The following KCNMA1 variants were observed in gnomAD, a reference collection of about 807,000 sequenced individuals.
KCNMA1 encodes the protein potassium calcium-activated channel subfamily M alpha 1, also known as Calcium-activated potassium channel subunit alpha-1.
In KCNMA1, 29 loss-of-function variants were observed where a neutral mutation model predicts 140.0. The ratio of observed to expected loss-of-function variants is 0.21; its 90% CI spans 0.15 to 0.28. The LOEUF is 0.28. Among genes scored for constraint, KCNMA1 ranks in the 10% least tolerant of loss-of-function variants. The pLI is 1.00. For missense variants in KCNMA1, 880 were observed against 1,602.2 expected (o/e 0.55, Z 7.70); for synonymous variants, 612 against 611.9 (o/e 1.00, Z 0.00).
At chr10:77,211,224 CAA>C (rs2045953917) in intron 3 of KCNMA1, among the ~76,000 whole-genome samples, 1 of 151,954 alleles carries the variant, frequency 6.6e-6, no homozygotes, top group Non-Finnish European at 1.5e-5. Flanking sequence ...CTACAGTAAC[CAA>C]AACAGCATGG....
chr10:77,238,398 C>A (rs535798033), intron 3 of KCNMA1, among the ~76,000 whole-genome samples: 1 of 152,296 alleles, frequency 6.6e-6, no homozygotes, highest in South Asian at 2.1e-4. Context: ...TTGTCCTCTA[C>A]AAACAAGTGC....
chr10:77,445,602 A>G (rs2097513420), intron 1 of KCNMA1, among the ~76,000 whole-genome samples: 1 of 152,102 alleles, frequency 6.6e-6, no homozygotes, highest in Non-Finnish European at 1.5e-5. Context: ...TAATAAGACC[A>G]AGCATTGGGA....
At chr10:77,116,951 T>C (rs1451816689) in intron 6 of KCNMA1, among the ~76,000 whole-genome samples, 1 of 152,198 alleles carries the variant, frequency 6.6e-6, no homozygotes, top group Non-Finnish European at 1.5e-5. Flanking sequence ...ACCTGCATGA[T>C]TTGGCCTCTC....
chr10:77,473,520 ATC>A (rs1330313881), intron 1 of KCNMA1, among the ~76,000 whole-genome samples: 11 of 152,148 alleles, frequency 7.2e-5, no homozygotes, highest in Admixed American at 6.5e-4. Flanking sequence ...TTAGAGAGAA[ATC>A]TCTCTCTTGC....
intron 5 of KCNMA1, among the ~76,000 whole-genome samples, chr10:77,149,648 C>T (rs182381278): frequency 2.2e-4 from 34 of 152,262 alleles, no homozygotes; most frequent in Non-Finnish European, 3.7e-4. Flanking sequence ...CTGGTCAAAC[C>T]CATGCATAGT....
intron 1 of KCNMA1, among the ~76,000 whole-genome samples, chr10:77,458,165 A>G (rs2097790762): frequency 6.6e-6 from 1 of 152,254 alleles, no homozygotes; most frequent in African/African-American, 2.4e-5. Context: ...ATCAGCCACA[A>G]GCAGGCATCC....
chr10:77,517,171 C>T (rs931641209), intron 1 of KCNMA1, among the ~76,000 whole-genome samples: 2 of 152,124 alleles, frequency 1.3e-5, no homozygotes, highest in Non-Finnish European at 2.9e-5. Flanking sequence ...CTACCCTTGG[C>T]ACTCCAGGAA....
intron 2 of KCNMA1, among the ~76,000 whole-genome samples, chr10:77,345,400 A>G (rs1449518647): frequency 1.3e-5 from 2 of 152,118 alleles, no homozygotes; most frequent in African/African-American, 4.8e-5. Flanking sequence ...GAAATCATGG[A>G]CTGAGTACCT....
intron 3 of KCNMA1, among the ~76,000 whole-genome samples, chr10:77,242,483 G>A (rs1344023097): frequency 1.3e-5 from 2 of 152,104 alleles, no homozygotes; most frequent in African/African-American, 2.4e-5. Flanking sequence ...GCCAAAACAT[G>A]TTATAGCATC....
intron 1 of KCNMA1, among the ~76,000 whole-genome samples, chr10:77,431,909 C>T (rs1159565957): frequency 1.3e-5 from 2 of 152,008 alleles, no homozygotes; most frequent in Non-Finnish European, 2.9e-5. Flanking sequence ...ACGGGAATCA[C>T]TTGGACCCGG....
intron 3 of KCNMA1, among the ~76,000 whole-genome samples, chr10:77,228,019 C>G (rs888445371): frequency 6.9e-6 from 1 of 144,408 alleles, no homozygotes; most frequent in Non-Finnish European, 1.5e-5. Flanking sequence ...GACTGGAGTG[C>G]AGTGGCGCAA....
chr10:77,621,685 T>C (rs1486796738), intron 1 of KCNMA1, among the ~76,000 whole-genome samples: 3 of 151,970 alleles, frequency 2.0e-5, no homozygotes, highest in East Asian at 3.8e-4. Flanking sequence ...TTCCAGCACT[T>C]TGGGGGCCGA....
At chr10:77,504,018 T>C (rs557900323) in intron 1 of KCNMA1, among the ~76,000 whole-genome samples, 6 of 152,212 alleles carry the variant, frequency 3.9e-5, no homozygotes, top group Non-Finnish European at 8.8e-5. Flanking sequence ...AGGGCGCAGG[T>C]GGCTGGGATA....
chr10:77,606,755 G>T (rs765206354), intron 1 of KCNMA1, among the ~76,000 whole-genome samples: 3 of 152,102 alleles, frequency 2.0e-5, no homozygotes, highest in African/African-American at 7.2e-5. Flanking sequence ...GGTCTCCTCT[G>T]GGAACTTGGA....
chr10:77,220,772 G>T (rs901317997), intron 3 of KCNMA1, among the ~76,000 whole-genome samples: 3 of 152,058 alleles, frequency 2.0e-5, no homozygotes, highest in Non-Finnish European at 4.4e-5. Context: ...GCTAAAAAAA[G>T]TCTGCCTCAA....
At chr10:77,329,830 C>T (rs1050536361) in intron 2 of KCNMA1, among the ~76,000 whole-genome samples, 1 of 152,148 alleles carries the variant, frequency 6.6e-6, no homozygotes, top group African/African-American at 2.4e-5. Context: ...AATTGCTTCA[C>T]CTCTTTGTCC....
chr10:77,108,426 C>T lies in KCNMA1; in HGVS notation c.1223+55G>A. On this transcript the variant is annotated intron_variant, in intron 9 of 27. Coordinates refer to ENST00000286628, the MANE Select transcript of KCNMA1 (RefSeq NM_001161352.2). This position sits in a 1 kb window ranked among gnomAD's most constrained non-coding sequence, Gnocchi z 4.6. Reference sequence around the variant, plus strand: ...AAGAGCCAAAAAAAAAAAAAAATGGCATGCAGAGAGGATTCTACCGCAGCA... The same window carrying T: ...AAGAGCCAAAAAAAAAAAAAAATGGTATGCAGAGAGGATTCTACCGCAGCA... The T allele has an allele frequency of 6.3e-7, 1 of 1,581,026 alleles. No individual in the cohort carries two copies.
chr10:77,152,829 C>T (rs908218442), intron 5 of KCNMA1, among the ~76,000 whole-genome samples: 1 of 152,118 alleles, frequency 6.6e-6, no homozygotes, highest in Non-Finnish European at 1.5e-5. Flanking sequence ...GGCCAGCCTC[C>T]CAGGAATAAT....
At chr10:77,171,386 CGT>C (rs371170620) in intron 5 of KCNMA1, among the ~76,000 whole-genome samples, 13 of 137,036 alleles carry the variant, frequency 9.5e-5, no homozygotes, top group East Asian at 7.0e-4. Context: ...AGTACGTGTG[CGT>C]GTGTGTGTGT....
Sources: allele counts gnomAD v4.1 joint callset (sites outside exome capture counted in the v4.1 genomes callset), GRCh38; gene constraint gnomAD v4.1.1; non-coding constraint Gnocchi (gnomAD v3.1); transcripts MANE v1.5; gene names NCBI Gene and HGNC (gene_info 2026-07-23, HGNC 2026-07-21).